PRAG1: variants seen among roughly 807,000 people sequenced by gnomAD.
PRAG1 encodes the protein PEAK1 related, kinase-activating pseudokinase 1, also known as inactive tyrosine-protein kinase PRAG1.
PRAG1 carries 110 observed loss-of-function variants against 95.6 expected under a neutral mutation model. The ratio of observed to expected loss-of-function variants is 1.15; its 90% CI spans 0.99 to 1.35. The LOEUF is 1.35. Among genes scored for constraint, PRAG1 ranks in the 40% most tolerant of loss-of-function variants. The pLI, the probability that PRAG1 is intolerant of heterozygous loss-of-function variation, is 0.00. For missense variants in PRAG1, 2,554 were observed against 1,864.7 expected (o/e 1.37, Z -6.81); for synonymous variants, 1,052 against 819.4 (o/e 1.28, Z -4.85).
intron 3 of PRAG1, among the ~76,000 whole-genome samples, chr8:8,363,185 C>G (rs1799899291): frequency 6.6e-6 from 1 of 151,342 alleles, no homozygotes; most frequent in African/African-American, 2.4e-5. Context: ...AAAAGCTAGT[C>G]TTTAAGAGAA....
Position 8,318,602 on chromosome 8 carries a change from C to T in PRAG1, c.3773G>A (p.Gly1258Asp). The T allele has an allele frequency of 6.2e-7, 1 of 1,613,338 alleles. No homozygotes were observed. The change falls in exon 6 of 6, where the codon GGC becomes GAC. Residue 1258 changes from glycine to aspartate, a missense_variant. Physicochemically the swap from Gly to Asp is moderately conservative, Grantham distance 94 (BLOSUM62 -1). Coordinates refer to ENST00000615670, the MANE Select transcript of PRAG1 (RefSeq NM_001080826.3). The surrounding 1 kb of genome is among the most constrained non-coding windows in gnomAD (Gnocchi z 4.2). ...QYRKFDEFQT[G>D]ILIYELLHQP... Reference sequence around the variant, plus strand: ...GTGCAGCAGCTCGTAGATGAGGATGCCTGTCTGGAACTCATCGAACTTGCG... The same window carrying T: ...GTGCAGCAGCTCGTAGATGAGGATGTCTGTCTGGAACTCATCGAACTTGCG...
At chr8:8,337,484 G>C (rs572682763) in intron 4 of PRAG1, among the ~76,000 whole-genome samples, 2 of 152,056 alleles carry the variant, frequency 1.3e-5, no homozygotes, top group Non-Finnish European at 2.9e-5. Flanking sequence ...GAGAGAGAGA[G>C]AGAAAGAGAG....
At chr8:8,324,410 C>G (rs995663597) in intron 5 of PRAG1, among the ~76,000 whole-genome samples, 2 of 152,218 alleles carry the variant, frequency 1.3e-5, no homozygotes, top group African/African-American at 2.4e-5. Flanking sequence ...GCAAGACCCG[C>G]AGCTTCCTCA....
intron 5 of PRAG1, among the ~76,000 whole-genome samples, chr8:8,326,147 T>C (rs1798631501): frequency 6.8e-6 from 1 of 147,608 alleles, no homozygotes; most frequent in African/African-American, 2.5e-5. Context: ...TAATATTCAG[T>C]ATATATAAAT....
chr8:8,334,000 A>T (rs1471313644), intron 4 of PRAG1, among the ~76,000 whole-genome samples: 2 of 152,148 alleles, frequency 1.3e-5, no homozygotes, highest in African/African-American at 4.8e-5. Context: ...CCCATTAACT[A>T]TTCCTGCATC....
At chr8:8,323,503 T>C (rs1229724182) in intron 5 of PRAG1, among the ~76,000 whole-genome samples, 1 of 152,116 alleles carries the variant, frequency 6.6e-6, no homozygotes, top group Non-Finnish European at 1.5e-5. Context: ...TTGTTCATTT[T>C]TTAGTAGAGA....
intron 5 of PRAG1, among the ~76,000 whole-genome samples, chr8:8,322,124 A>G (rs940614928): frequency 6.6e-6 from 1 of 152,202 alleles, no homozygotes; most frequent in African/African-American, 2.4e-5. Flanking sequence ...GGAACACTAG[A>G]CAGCACTTCA....
At chr8:8,349,504 G>A (rs926602682) in intron 3 of PRAG1, among the ~76,000 whole-genome samples, 10 of 151,906 alleles carry the variant, frequency 6.6e-5, no homozygotes, top group Non-Finnish European at 1.2e-4. Flanking sequence ...GGATGGTCTC[G>A]ATCTCCTGAC....
intron 3 of PRAG1, among the ~76,000 whole-genome samples, chr8:8,373,476 G>A (rs1331738706): frequency 9.9e-6 from 1 of 100,740 alleles, no homozygotes; most frequent in Admixed American, 8.5e-5. Context: ...TTGAGACAGG[G>A]TCTTGCTCTG....
intron 1 of PRAG1, among the ~76,000 whole-genome samples, chr8:8,385,324 C>T (rs1454226794): frequency 6.6e-6 from 1 of 152,190 alleles, no homozygotes; most frequent in Non-Finnish European, 1.5e-5. Flanking sequence ...GGGTAAATTA[C>T]GATATTCACC....
intron 3 of PRAG1, among the ~76,000 whole-genome samples, chr8:8,348,518 C>A (rs905391494): frequency 3.3e-5 from 5 of 152,124 alleles, no homozygotes. Context: ...TAACATACTG[C>A]TATTTCCCCT....
At position 8,327,765 on chromosome 8, in the gene PRAG1, G is replaced by A. The variant is rs1194010004; in HGVS notation, c.3017C>T (p.Ala1006Val). The part of the protein sequence containing the change: ...CNKPCCDSGD[A>V]IYYCATCSED... ...AGAGCAGGTGGCACAGTAATAAATG[G>A]CATCCCCCGAGTCACAGCAGGGCTT... is the stretch of plus-strand genomic sequence containing the variant. The change falls in exon 5 of 6, where the codon GCC (alanine) becomes GTC (valine). Residue 1006 changes from alanine to valine, a missense_variant. Ala to Val is a moderately conservative substitution (Grantham distance 64, BLOSUM62 0). Transcript: ENST00000615670. 1 of 1,614,064 alleles carries A rather than the reference G, an allele frequency of 6.2e-7. No homozygotes were observed. Among genetic ancestry groups the A allele is most frequent in the East Asian group, 2.2e-5 (1 of 44,894 alleles).
intron 3 of PRAG1, among the ~76,000 whole-genome samples, chr8:8,348,513 T>C (rs766783598): frequency 1.3e-5 from 2 of 152,172 alleles, no homozygotes; most frequent in Non-Finnish European, 2.9e-5. Context: ...TTGGTTAACA[T>C]ACTGCTATTT....
rs202176601 is a variant in PRAG1 at position 8,318,543 on chromosome 8, G to T, written c.3832C>A (p.Arg1278=). Reference sequence around the variant, plus strand: ...TCCTCCTGCCGGTAGTCTCTCTCCCGCAGCTGGGCGCGCACCTCGAACGGG... The same window carrying T: ...TCCTCCTGCCGGTAGTCTCTCTCCCTCAGCTGGGCGCGCACCTCGAACGGG... ...PNPFEVRAQL[R]ERDYRQEDLP... The change falls in exon 6 of 6, where the codon CGG becomes AGG. Residue 1278 remains arginine, a synonymous_variant. Transcript: ENST00000615670. This position sits in a 1 kb window ranked among gnomAD's most constrained non-coding sequence, Gnocchi z 4.2. 2 of 1,613,442 alleles carry T rather than the reference G, an allele frequency of 1.2e-6. No homozygotes were observed. The highest frequency in any genetic ancestry group is 1.7e-6 in the Non-Finnish European group (2 of 1,179,934).
intron 3 of PRAG1, among the ~76,000 whole-genome samples, chr8:8,351,539 A>G (rs1185679903): frequency 6.6e-6 from 1 of 152,206 alleles, no homozygotes; most frequent in African/African-American, 2.4e-5. Context: ...AAGGAAAGAT[A>G]AATAGAATGA....
rs367712636 is a variant in PRAG1 at position 8,376,555 on chromosome 8, C to G, written c.1854G>C (p.Ser618=). 6.2e-7 allele frequency: 1 copy of G among 1,608,568 alleles called. No individual in the cohort carries two copies. The highest frequency in any genetic ancestry group is 1.3e-5 in the African/African-American group (1 of 74,810). ...TGGGCCGCCTCTGTTCCGAGGCTGA[C>G]GAGGCGGCAGGCTGGGGACACCTGG... The part of the protein sequence containing the change: ...DPSRCPQPAA[S]SASEQRRPRF... The change falls in exon 3 of 6, where the codon TCG becomes TCC. Residue 618 remains serine (S), a synonymous_variant. Transcript: ENST00000615670.
chr8:8,353,075 A>T (rs1799575471), intron 3 of PRAG1, among the ~76,000 whole-genome samples: 1 of 152,240 alleles, frequency 6.6e-6, no homozygotes, highest in Admixed American at 6.5e-5. Flanking sequence ...AAAAGCAAAT[A>T]TTAATGAACA....
chr8:8,352,521 T>C (rs1799555816), intron 3 of PRAG1, among the ~76,000 whole-genome samples: 1 of 152,224 alleles, frequency 6.6e-6, no homozygotes, highest in African/African-American at 2.4e-5. Context: ...CTTTTATTCA[T>C]CTTCTTAGTC....
At position 8,377,562 on chromosome 8, in the gene PRAG1, C is replaced by T. The variant is rs1800461572; in HGVS notation, c.847G>A (p.Asp283Asn). 27 of 1,608,618 alleles carry T rather than the reference C, an allele frequency of 1.7e-5. No homozygotes were observed. Among genetic ancestry groups the T allele is most frequent in the Non-Finnish European group, 2.3e-5 (27 of 1,177,762 alleles). The change falls in exon 3 of 6, where the codon GAC becomes AAC. Residue 283 changes from aspartate to asparagine, a missense_variant. By Grantham distance (23) the Asp-to-Asn change is conservative (BLOSUM62 1). Coordinates refer to ENST00000615670, the MANE Select transcript of PRAG1 (RefSeq NM_001080826.3). ...AGSRGRHGGRDCSPTCWEQGK... is the reference protein window; with the variant it reads ...AGSRGRHGGRNCSPTCWEQGK... ...TGCTCCCAGCACGTGGGTGAGCAGT[C>T]CCTGCCACCATGCCTGCCCCGGGAA...
Sources: allele counts gnomAD v4.1 joint callset (sites outside exome capture counted in the v4.1 genomes callset), GRCh38; gene constraint gnomAD v4.1.1; non-coding constraint Gnocchi (gnomAD v3.1); transcripts MANE v1.5; gene names NCBI Gene and HGNC (gene_info 2026-07-23, HGNC 2026-07-21).